The following ATXN7L1 variants were observed in gnomAD, a reference collection of about 807,000 sequenced individuals.
The protein encoded by ATXN7L1 is ataxin 7 like 1.
In ATXN7L1, 15 loss-of-function variants were observed where a neutral mutation model predicts 70.8. The observed-to-expected ratio is 0.21, with a 90% confidence interval of 0.14 to 0.33. The LOEUF (loss-of-function observed/expected upper bound fraction) is 0.33, where lower values mean the gene tolerates loss of function less well. ATXN7L1 is among the 10% of genes least tolerant of loss of function. The pLI, the probability that ATXN7L1 is intolerant of heterozygous loss-of-function variation, is 1.00. For synonymous variants in ATXN7L1, 440 were observed against 445.1 expected (o/e 0.99, Z 0.14); for missense variants, 975 against 1,097.1 (o/e 0.89, Z 1.57).
chr7:105,673,975 G>A (rs998778712), intron 3 of ATXN7L1, among the ~76,000 whole-genome samples: 2 of 152,222 alleles, frequency 1.3e-5, no homozygotes, highest in East Asian at 1.9e-4. Flanking sequence ...GACAGGCTGC[G>A]AATGCAGGCA....
intron 3 of ATXN7L1, among the ~76,000 whole-genome samples, chr7:105,728,654 G>A (rs1025111546): frequency 3.3e-5 from 5 of 152,164 alleles, no homozygotes; most frequent in African/African-American, 1.2e-4. Context: ...CTAGTACCCA[G>A]ATCTTGGTTT....
chr7:105,650,290 G>A (rs571417041), intron 4 of ATXN7L1, among the ~76,000 whole-genome samples: 11 of 152,208 alleles, frequency 7.2e-5, no homozygotes, highest in African/African-American at 1.7e-4. Flanking sequence ...GTATTTTTGC[G>A]GTGTGTCTGG....
chr7:105,733,888 T>TC (rs570136080), intron 3 of ATXN7L1, among the ~76,000 whole-genome samples: 3 of 70,352 alleles, frequency 4.3e-5, no homozygotes, highest in African/African-American at 1.1e-4. Context: ...CCATCATCCA[T>TC]CATCCATCCA....
chr7:105,624,878 T>A (rs1461554683), intron 7 of ATXN7L1, among the ~76,000 whole-genome samples: 1 of 152,202 alleles, frequency 6.6e-6, no homozygotes. Context: ...TATGGGAACG[T>A]GACAAAGTGA....
intron 3 of ATXN7L1, among the ~76,000 whole-genome samples, chr7:105,669,637 T>A (rs625511): frequency 0.11 from 16,853 of 151,994 alleles, 1,063 homozygotes; most frequent in East Asian, 0.27. Context: ...TATAAGAATT[T>A]AAAGGCCCAG....
chr7:105,860,105 A>G (rs1816350459), intron 2 of ATXN7L1, among the ~76,000 whole-genome samples: 1 of 141,972 alleles, frequency 7.0e-6, no homozygotes, highest in East Asian at 2.1e-4. Context: ...TAAGACATAT[A>G]TACAGATAGA....
chr7:105,690,563 C>A (rs910917495), intron 3 of ATXN7L1, among the ~76,000 whole-genome samples: 2 of 152,146 alleles, frequency 1.3e-5, no homozygotes, highest in Admixed American at 6.5e-5. Flanking sequence ...TGATGTTTGT[C>A]GTCTTCTCCT....
In ATXN7L1 at chr7:105,605,336, T is replaced by C. The variant is rs1192414605; in HGVS notation, c.*2516A>G. 1 of 152,124 alleles carries C rather than the reference T, an allele frequency of 6.6e-6. No individual in the cohort carries two copies. The highest frequency in any genetic ancestry group is 1.9e-4 in the East Asian group (1 of 5,200). 9.4% of individuals were successfully genotyped at this position (152,124 alleles called of 1,614,324 possible). On this transcript the variant is annotated 3_prime_UTR_variant, in exon 12 of 12. Transcript: ENST00000419735. ...CATTTTTCAAGCTGCAAGTTTTTAA[T>C]ACATCATTGTAAAGTAAACCTGTGG... is the stretch of plus-strand genomic sequence containing the variant.
intron 2 of ATXN7L1, among the ~76,000 whole-genome samples, chr7:105,847,250 T>C (rs1814190352): frequency 6.6e-6 from 1 of 152,118 alleles, no homozygotes; most frequent in African/African-American, 2.4e-5. Flanking sequence ...GCACTCCAAC[T>C]CACTTCTTGG....
chr7:105,627,292 TGG>T (rs1403236381), intron 7 of ATXN7L1, among the ~76,000 whole-genome samples: 1 of 152,182 alleles, frequency 6.6e-6, no homozygotes, highest in Non-Finnish European at 1.5e-5. Flanking sequence ...TGGAGTGCAG[TGG>T]CATGATCATG....
chr7:105,760,693 G>T, intron 3 of ATXN7L1: 1 of 437,084 alleles, frequency 2.3e-6, no homozygotes, highest in Non-Finnish European at 3.0e-6. Context: ...ATAAGGGAGA[G>T]CTCATCTAGT....
intron 6 of ATXN7L1, among the ~76,000 whole-genome samples, chr7:105,638,963 C>T (rs1797761657): frequency 6.6e-6 from 1 of 152,132 alleles, no homozygotes; most frequent in African/African-American, 2.4e-5. Flanking sequence ...CAAACAGAGC[C>T]ACCAAGCAGA....
chr7:105,642,845 T>G lies in ATXN7L1; in HGVS notation c.855A>C (p.Arg285Ser). 6.4e-7 allele frequency: 1 copy of G among 1,551,048 alleles called. No individual in the cohort carries two copies. The highest frequency in any genetic ancestry group is 1.2e-5 in the South Asian group (1 of 83,996). The stretch of plus-strand genomic sequence containing the variant: ...GACGACACTGACACATACCTGAAAG[T>G]CTCCTGTAAGGCTTGTTGCTGTTTT... ...GTKNSNKPYR[R>S]LSEREFDPNK... Residue 285 changes from arginine to serine, a missense_variant, in exon 5 of 12, where the codon AGA (arginine) becomes AGC (serine). By Grantham distance (110) the Arg-to-Ser change is moderately radical. Coordinates refer to ENST00000419735, the MANE Select transcript of ATXN7L1 (RefSeq NM_020725.2).
At chr7:105,758,363 T>C (rs1021262512) in intron 3 of ATXN7L1, among the ~76,000 whole-genome samples, 1 of 152,260 alleles carries the variant, frequency 6.6e-6, no homozygotes, top group Non-Finnish European at 1.5e-5. Flanking sequence ...TATACCCATT[T>C]TCCACACATG....
chr7:105,786,423 C>T (rs1804315839), intron 3 of ATXN7L1, among the ~76,000 whole-genome samples: 1 of 152,202 alleles, frequency 6.6e-6, no homozygotes, highest in Non-Finnish European at 1.5e-5. Context: ...CTGCAGGGGA[C>T]AGCGGGGTCC....
At chr7:105,613,352 G>C (rs1161850802) in intron 10 of ATXN7L1, 1 of 322,458 alleles carries the variant, frequency 3.1e-6, no homozygotes, top group Non-Finnish European at 4.5e-6. Flanking sequence ...AAGTGGGAAG[G>C]ACAATCACCC....
chr7:105,646,694 A>AGGCATGAGCCT (rs1231067464), intron 4 of ATXN7L1, among the ~76,000 whole-genome samples: 1 of 149,896 alleles, frequency 6.7e-6, no homozygotes, highest in Non-Finnish European at 1.5e-5. Flanking sequence ...CTGGGATTAC[A>AGGCATGAGCCT]GGCATGAGCC....
chr7:105,739,649 G>A lies in ATXN7L1; in HGVS notation c.355+48955C>T, dbSNP rs561887055. ...TTGGGCATGTCATTCAATATCAAAT[G>A]AAGAAAGTAGATTAGATCAGAGGTT... On this transcript the variant is annotated intron_variant, in intron 3 of 11. Transcript: ENST00000419735. Among the ~76,000 whole-genome samples the A allele has an allele frequency of 2.6e-5, 4 of 152,288 alleles. No individual in the cohort carries two copies. The South Asian group carries it at 8.3e-4, about 32-fold the overall frequency.
intron 2 of ATXN7L1, among the ~76,000 whole-genome samples, chr7:105,859,212 G>A (rs569086377): frequency 2.0e-5 from 3 of 152,202 alleles, no homozygotes; most frequent in South Asian, 2.1e-4. Flanking sequence ...GTGTCATGCT[G>A]TCTGTGACTT....
Sources: allele counts gnomAD v4.1 joint callset (sites outside exome capture counted in the v4.1 genomes callset), GRCh38; gene constraint gnomAD v4.1.1; transcripts MANE v1.5; gene names NCBI Gene and HGNC (gene_info 2026-07-23, HGNC 2026-07-21).